RBKS: variants seen among roughly 807,000 people sequenced by gnomAD.
RBKS encodes ribokinase.
RBKS carries 33 observed loss-of-function variants against 33.9 expected under a neutral mutation model. The observed-to-expected ratio is 0.97, with a 90% CI of 0.74 to 1.30. RBKS has a LOEUF of 1.30. Among genes scored for constraint, RBKS ranks in the 50% most tolerant of loss-of-function variants. The pLI is 0.00. For synonymous variants in RBKS, 125 were observed against 143.0 expected, an observed-to-expected ratio of 0.87 and a Z score of 0.90; for missense variants, 361 against 392.6, an observed-to-expected ratio of 0.92 and a Z score of 0.68.
intron 2 of RBKS, among the ~76,000 whole-genome samples, chr2:27,857,933 C>T (rs578036088): frequency 1.3e-5 from 2 of 152,286 alleles, no homozygotes; most frequent in South Asian, 4.1e-4. Flanking sequence ...CTATTCATAA[C>T]AGCCAAAAGG....
Position 27,890,185 on chromosome 2 carries a change from T to G in RBKS, c.89+72A>C. Reference sequence around the variant, plus strand: ...CCCTGGAGACCCAGCGCCCAAAAGCTCCACTGGGCGCATAGCGCACGGCAC... The same window carrying G: ...CCCTGGAGACCCAGCGCCCAAAAGCGCCACTGGGCGCATAGCGCACGGCAC... On this transcript the variant is annotated intron_variant, in intron 1 of 7. Transcript: ENST00000302188. This position sits in a 1 kb window ranked among gnomAD's most constrained non-coding sequence, Gnocchi z 4.8. The G allele has an allele frequency of 6.9e-7, 1 of 1,450,238 alleles. No homozygotes were observed. Among genetic ancestry groups the G allele is most frequent in the Admixed American group, 1.7e-5 (1 of 57,290 alleles). 89.8% of individuals were successfully genotyped at this position (1,450,238 alleles called of 1,614,324 possible). A position where few individuals can be genotyped will look rare whatever the true frequency, so the allele number is the denominator to read the frequency against.
At chr2:27,800,031 C>T (rs968408051) in intron 7 of RBKS, among the ~76,000 whole-genome samples, 1 of 151,292 alleles carries the variant, frequency 6.6e-6, no homozygotes, top group Non-Finnish European at 1.5e-5. Context: ...CCTGCCTCTG[C>T]CCCTTGTTGT....
intron 1 of RBKS, among the ~76,000 whole-genome samples, chr2:27,881,553 TAAATA>T (rs778688489): frequency 1.3e-5 from 2 of 150,236 alleles, no homozygotes; most frequent in African/African-American, 4.9e-5. Flanking sequence ...AATAAATAAA[TAAATA>T]AAATAAAATA....
At chr2:27,826,985 TTTAAAGA>T (rs1678325037) in intron 7 of RBKS, among the ~76,000 whole-genome samples, 1 of 140,670 alleles carries the variant, frequency 7.1e-6, no homozygotes, top group South Asian at 2.2e-4. Context: ...CACAGAATTG[TTTAAAGA>T]TTAAATGAAA....
chr2:27,846,276 AATTCATTC>A (rs903070845), intron 4 of RBKS, among the ~76,000 whole-genome samples: 63 of 152,152 alleles, frequency 4.1e-4, no homozygotes, highest in African/African-American at 1.4e-3. Flanking sequence ...CCTCTGTTTT[AATTCATTC>A]ATTCATTCAT....
intron 5 of RBKS, 107 bp from the exon 6 acceptor site, chr2:27,832,884 T>C (rs1482728299): frequency 4.1e-6 from 3 of 732,732 alleles, no homozygotes; most frequent in Non-Finnish European, 7.3e-6. Context: ...TTTGTCTTCA[T>C]CTGGTTAAAT....
chr2:27,826,209 T>C (rs1678308414), intron 7 of RBKS, among the ~76,000 whole-genome samples: 1 of 152,202 alleles, frequency 6.6e-6, no homozygotes, highest in Non-Finnish European at 1.5e-5. Flanking sequence ...TATATTCACA[T>C]CCAAAACTTC....
chr2:27,796,840 T>C (rs902735354), intron 7 of RBKS, among the ~76,000 whole-genome samples: 2 of 152,084 alleles, frequency 1.3e-5, no homozygotes, highest in African/African-American at 4.8e-5. Flanking sequence ...AATGTTGCCA[T>C]AGGGAGGCTG....
At chr2:27,809,244 T>C (rs1677946590) in intron 7 of RBKS, among the ~76,000 whole-genome samples, 1 of 152,198 alleles carries the variant, frequency 6.6e-6, no homozygotes, top group African/African-American at 2.4e-5. Flanking sequence ...TGCTCTAGCC[T>C]CTCTTCAAGT....
In RBKS at chr2:27,858,560, C is replaced by G; in HGVS notation, c.101G>C (p.Arg34Pro). 1.2e-6 allele frequency: 2 copies of G among 1,612,826 alleles called. No homozygotes were observed. Among genetic ancestry groups the G allele is most frequent in the South Asian group, 1.1e-5 (1 of 91,028 alleles). The change falls in exon 2 of 8, where the codon CGT (arginine) becomes CCT (proline). Residue 34 changes from arginine (R) to proline (P), a missense_variant. Transcript: ENST00000302188. Reference protein sequence around the residue: ...CMTDLVSLTSRLPKTGETIHG... With the variant: ...CMTDLVSLTSPLPKTGETIHG... ...GATGGTTTCTCCAGTTTTTGGCAAA[C>G]GAGAAGTAAGACTATTGTAATTTAA...
At chr2:27,878,400 T>A (rs1382402061) in intron 1 of RBKS, among the ~76,000 whole-genome samples, 1 of 151,512 alleles carries the variant, frequency 6.6e-6, no homozygotes, top group African/African-American at 2.4e-5. Context: ...ATGGTGTATA[T>A]GTGCCACATT....
At chr2:27,851,073 A>AT (rs1417928654) in intron 2 of RBKS, among the ~76,000 whole-genome samples, 1 of 151,904 alleles carries the variant, frequency 6.6e-6, no homozygotes, top group Non-Finnish European at 1.5e-5. Context: ...CTGAACTTCT[A>AT]TTTTTCTGTC....
rs902143075 is a variant in RBKS at position 27,794,878 on chromosome 2, C to G, written c.796-13090G>C. 2.0e-5 allele frequency among the ~76,000 whole-genome samples: 3 copies of G among 152,250 alleles called. 1 individual carries two copies. Among genetic ancestry groups the G allele is most frequent in the African/African-American group, 7.2e-5 (3 of 41,536 alleles). On this transcript the variant is annotated intron_variant, in intron 7 of 7. Transcript: ENST00000302188. ...ACCTTGGGTGATCCGCCTGCCTCGGCCTCCCAAAGTGCTGGGATTACAGGT... is the reference window on the plus strand; with the variant it reads ...ACCTTGGGTGATCCGCCTGCCTCGGGCTCCCAAAGTGCTGGGATTACAGGT...
At chr2:27,884,550 A>G (rs1664486495) in intron 1 of RBKS, among the ~76,000 whole-genome samples, 1 of 151,814 alleles carries the variant, frequency 6.6e-6, no homozygotes, top group African/African-American at 2.4e-5. Context: ...GCCTGGCCAT[A>G]ACTTTTTTTT....
chr2:27,874,473 A>G (rs1244967000), intron 1 of RBKS, among the ~76,000 whole-genome samples: 1 of 152,244 alleles, frequency 6.6e-6, no homozygotes, highest in African/African-American at 2.4e-5. Flanking sequence ...TCAAGAACTG[A>G]TATCACTGGA....
chr2:27,884,526 TG>T (rs1664485872), intron 1 of RBKS, among the ~76,000 whole-genome samples: 2 of 152,052 alleles, frequency 1.3e-5, no homozygotes, highest in Admixed American at 1.3e-4. Context: ...ATTATAGGCT[TG>T]AGCCACCACT....
chr2:27,888,099 A>T (rs918631396), intron 1 of RBKS, among the ~76,000 whole-genome samples: 5 of 151,842 alleles, frequency 3.3e-5, no homozygotes, highest in African/African-American at 7.3e-5. Flanking sequence ...ACTTTTATTC[A>T]GGTAGGATGT....
intron 3 of RBKS, 21 bp downstream of exon 3, chr2:27,848,013 T>C: frequency 7.6e-7 from 1 of 1,319,138 alleles, no homozygotes; most frequent in South Asian, 1.3e-5. Flanking sequence ...ACACTAACTT[T>C]AAAAAAGGTG....
Position 27,810,128 on chromosome 2 carries a change from C to G in RBKS, c.795+17439G>C, listed in dbSNP as rs889328694. ...GCTGGTGTGGATGATTCACAACCAACTGTGTATGTCTTGGCTGGTGCACCT... is the reference window on the plus strand; with the variant it reads ...GCTGGTGTGGATGATTCACAACCAAGTGTGTATGTCTTGGCTGGTGCACCT... On this transcript the variant is annotated intron_variant, in intron 7 of 7. Coordinates refer to ENST00000302188, the MANE Select transcript of RBKS (RefSeq NM_022128.3). This position sits in a 1 kb window ranked among gnomAD's most constrained non-coding sequence, Gnocchi z 4.4. The G allele has an allele frequency of 7.8e-7, 1 of 1,282,536 alleles. No individual in the cohort carries two copies. Among genetic ancestry groups the G allele is most frequent in the African/African-American group, 1.7e-5 (1 of 59,708 alleles). The allele number at this position is 1,282,536 out of a possible 1,614,324, so 79.4% of individuals were successfully genotyped here.
Sources: allele counts gnomAD v4.1 joint callset (sites outside exome capture counted in the v4.1 genomes callset), GRCh38; gene constraint gnomAD v4.1.1; non-coding constraint Gnocchi (gnomAD v3.1); transcripts MANE v1.5; gene names NCBI Gene and HGNC (gene_info 2026-07-23, HGNC 2026-07-21).